BRINP3: variants seen among roughly 807,000 people sequenced by gnomAD.
BRINP3 encodes BMP/retinoic acid-inducible neural-specific protein 3.
A neutral mutation model predicts 71.0 loss-of-function variants in BRINP3; 19 were observed. That is an observed-to-expected ratio of 0.27 (90% CI 0.19 to 0.39). The LOEUF (loss-of-function observed/expected upper bound fraction) is 0.39, where lower values mean the gene tolerates loss of function less well. Among genes scored for constraint, BRINP3 ranks in the 10% least tolerant of loss-of-function variants. BRINP3 has a pLI of 1.00. For missense variants in BRINP3, 959 were observed against 940.8 expected, an observed-to-expected ratio of 1.02 and a Z score of -0.25; for synonymous variants, 380 against 337.7, an observed-to-expected ratio of 1.13 and a Z score of -1.37.
At chr1:190,142,576 C>T (rs1655545763) in intron 7 of BRINP3, among the ~76,000 whole-genome samples, 1 of 151,976 alleles carries the variant, frequency 6.6e-6, no homozygotes, top group Non-Finnish European at 1.5e-5. Flanking sequence ...ATCTTGGATA[C>T]TAATTTGAGT....
intron 2 of BRINP3, among the ~76,000 whole-genome samples, chr1:190,338,876 C>A (rs964761442): frequency 1.1e-3 from 170 of 151,794 alleles, no homozygotes; most frequent in African/African-American, 3.1e-3. Context: ...ACATAGTTAT[C>A]AATATATTCT....
Position 190,098,536 on chromosome 1 carries a change from C to T in BRINP3, c.1783G>A (p.Asp595Asn). 2 of 1,614,176 alleles carry T rather than the reference C, an allele frequency of 1.2e-6. No individual in the cohort carries two copies. Among genetic ancestry groups the T allele is most frequent in the Non-Finnish European group, 8.5e-7 (1 of 1,180,038 alleles). The change falls in exon 8 of 8, where the codon GAC (aspartate) becomes AAC (asparagine). Residue 595 changes from aspartate to asparagine, a missense_variant. Physicochemically the swap from Asp to Asn is conservative, Grantham distance 23 (BLOSUM62 1). Transcript: ENST00000367462. ...AGGTCCAACTTAGTCCGCTCCCAGT[C>T]TGGAAAGCTGTTTTCATTCACAGGC... ...FMPVNENSFPDWERTKLDLPL... is the reference protein window; with the variant it reads ...FMPVNENSFPNWERTKLDLPL...
intron 6 of BRINP3, among the ~76,000 whole-genome samples, chr1:190,204,871 T>A (rs1290206219): frequency 1.3e-5 from 2 of 152,000 alleles, no homozygotes; most frequent in African/African-American, 4.8e-5. Context: ...TCCTAGGAAA[T>A]GTGATAGATT....
At chr1:190,109,972 T>A (rs1263292469) in intron 7 of BRINP3, among the ~76,000 whole-genome samples, 1 of 152,216 alleles carries the variant, frequency 6.6e-6, no homozygotes, top group Non-Finnish European at 1.5e-5. Context: ...GCCTCTTTAA[T>A]CATGTGAGTC....
chr1:190,417,402 G>A (rs192899604), intron 2 of BRINP3, among the ~76,000 whole-genome samples: 14 of 151,830 alleles, frequency 9.2e-5, no homozygotes, highest in Admixed American at 6.6e-4. Context: ...TTCTTGTATC[G>A]ATCAATACAA....
At chr1:190,177,801 A>C (rs1652678135) in intron 6 of BRINP3, among the ~76,000 whole-genome samples, 1 of 152,176 alleles carries the variant, frequency 6.6e-6, no homozygotes, top group Non-Finnish European at 1.5e-5. Flanking sequence ...TTTCACACGC[A>C]CTGCAGTTGG....
chr1:190,443,103 G>A (rs1674945189), intron 2 of BRINP3, among the ~76,000 whole-genome samples: 1 of 151,528 alleles, frequency 6.6e-6, no homozygotes. Flanking sequence ...AGTAGAGATG[G>A]GGTTTCACTA....
intron 2 of BRINP3, among the ~76,000 whole-genome samples, chr1:190,452,712 T>C (rs1675697606): frequency 6.6e-6 from 1 of 152,046 alleles, no homozygotes; most frequent in South Asian, 2.1e-4. Flanking sequence ...AAAAATTAGC[T>C]GGGCGCGGTG....
At chr1:190,337,192 C>T (rs1667346792) in intron 2 of BRINP3, among the ~76,000 whole-genome samples, 1 of 151,856 alleles carries the variant, frequency 6.6e-6, no homozygotes, top group African/African-American at 2.4e-5. Flanking sequence ...TCTATGTACC[C>T]CACTCCTACT....
chr1:190,215,793 A>T (rs1389407372), intron 6 of BRINP3, among the ~76,000 whole-genome samples: 1 of 151,912 alleles, frequency 6.6e-6, no homozygotes, highest in African/African-American at 2.4e-5. Flanking sequence ...ATTTAATAGG[A>T]CACGATGCTG....
At chr1:190,106,580 C>G (rs189772372) in intron 7 of BRINP3, among the ~76,000 whole-genome samples, 14 of 151,366 alleles carry the variant, frequency 9.2e-5, no homozygotes, top group Admixed American at 3.9e-4. Flanking sequence ...CATTAATTAA[C>G]AACATAGAGA....
chr1:190,203,788 T>TAC (rs1655241183), intron 6 of BRINP3, among the ~76,000 whole-genome samples: 1 of 101,814 alleles, frequency 9.8e-6, no homozygotes, highest in African/African-American at 4.0e-5. Flanking sequence ...TATATATATA[T>TAC]ATATATATAT....
intron 2 of BRINP3, among the ~76,000 whole-genome samples, chr1:190,454,027 C>G (rs1042879745): frequency 2.6e-5 from 4 of 152,280 alleles, no homozygotes; most frequent in African/African-American, 9.6e-5. Flanking sequence ...AACAGGCAAC[C>G]TTTGTTGAAT....
At chr1:190,443,843 C>G (rs1675006608) in intron 2 of BRINP3, among the ~76,000 whole-genome samples, 2 of 152,142 alleles carry the variant, frequency 1.3e-5, no homozygotes, top group African/African-American at 4.8e-5. Context: ...ATCAAACAAT[C>G]AGAACTCAGC....
intron 2 of BRINP3, among the ~76,000 whole-genome samples, chr1:190,428,866 A>G (rs1449524873): frequency 6.6e-6 from 1 of 152,082 alleles, no homozygotes; most frequent in Admixed American, 6.6e-5. Flanking sequence ...TTCCAAGTAA[A>G]TTTTTTGAAA....
chr1:190,227,881 GA>G (rs1228166815), intron 5 of BRINP3, among the ~76,000 whole-genome samples: 1 of 151,860 alleles, frequency 6.6e-6, no homozygotes, highest in Non-Finnish European at 1.5e-5. Flanking sequence ...AGGGAATATA[GA>G]ATTAATTCAT....
intron 2 of BRINP3, among the ~76,000 whole-genome samples, chr1:190,394,090 T>C (rs1315494059): frequency 2.0e-5 from 3 of 151,604 alleles, no homozygotes; most frequent in African/African-American, 7.2e-5. Flanking sequence ...CAGTTAGGTA[T>C]GGGAAGTATT....
chr1:190,257,946 C>T (rs1350504369), intron 4 of BRINP3, among the ~76,000 whole-genome samples: 1 of 152,118 alleles, frequency 6.6e-6, no homozygotes, highest in Admixed American at 6.5e-5. Context: ...GGTCAGGGAC[C>T]CACTTGAGGA....
rs1485081362 is a variant in BRINP3, at chr1:190,408,178, C to T, written c.236+46477G>A. ...CTGGGACTACAGGCGCCCGCCACCA[C>T]GCCTGGCTAATTATTTATTTATTTA... On this transcript the variant is annotated intron_variant, in intron 2 of 7. Coordinates refer to ENST00000367462, the MANE Select transcript of BRINP3 (RefSeq NM_199051.3). Among the ~76,000 whole-genome samples the T allele has an allele frequency of 2.1e-5, 3 of 141,914 alleles. 1 individual carries two copies. Among genetic ancestry groups the T allele is most frequent in the East Asian group, 2.1e-4 (1 of 4,870 alleles). 93.1% of individuals were successfully genotyped at this position (141,914 alleles called of 152,430 possible). A position where few individuals can be genotyped will look rare whatever the true frequency, so the allele number is the denominator to read the frequency against.
Sources: gnomAD v4.1 joint callset for allele counts (sites outside exome capture counted in the v4.1 genomes callset) on GRCh38, gnomAD v4.1.1 for gene constraint, MANE v1.5 for transcripts, NCBI Gene and HGNC (gene_info 2026-07-23, HGNC 2026-07-21) for gene names.